The following SCAMP1 variants were observed in gnomAD, a reference collection of about 807,000 sequenced individuals.
SCAMP1 encodes the protein secretory carrier-associated membrane protein 1.
In SCAMP1, 15 loss-of-function variants were observed where a neutral mutation model predicts 41.8. The ratio of observed to expected loss-of-function variants is 0.36; its 90% CI spans 0.24 to 0.55. The LOEUF is 0.55. Among genes scored for constraint, SCAMP1 ranks in the 20% least tolerant of loss-of-function variants. The probability of loss-of-function intolerance (pLI) is 0.86; values close to 1 mark genes in which losing one functional copy is unlikely to be tolerated. For missense variants in SCAMP1, 341 were observed against 412.6 expected (o/e 0.83, Z 1.50); for synonymous variants, 135 against 136.8 (o/e 0.99, Z 0.09).
At chr5:78,422,552 T>A (rs1158241140) in intron 6 of SCAMP1, among the ~76,000 whole-genome samples, 2 of 151,596 alleles carry the variant, frequency 1.3e-5, no homozygotes, top group Admixed American at 6.6e-5. Flanking sequence ...CTGTGGGATA[T>A]TAATAGGTGC....
chr5:78,445,572 G>A (rs1282168443), intron 6 of SCAMP1, among the ~76,000 whole-genome samples: 2 of 151,764 alleles, frequency 1.3e-5, no homozygotes, highest in Non-Finnish European at 2.9e-5. Flanking sequence ...CTGCTTTCTG[G>A]TCTCTTCCTG....
chr5:78,423,016 G>A (rs4996035), intron 6 of SCAMP1, among the ~76,000 whole-genome samples: 206 of 33,382 alleles, frequency 6.2e-3, no homozygotes, highest in Non-Finnish European at 0.01. Flanking sequence ...ACGCGCGCGC[G>A]CACACACACA....
intron 6 of SCAMP1, among the ~76,000 whole-genome samples, chr5:78,423,108 A>AT (rs2112150719): frequency 6.6e-6 from 1 of 152,282 alleles, no homozygotes; most frequent in South Asian, 2.1e-4. Context: ...AGAACAGGAG[A>AT]TGGGAGAACA....
At chr5:78,364,077 G>A (rs754667236) in intron 1 of SCAMP1, among the ~76,000 whole-genome samples, 2 of 152,214 alleles carry the variant, frequency 1.3e-5, no homozygotes, top group African/African-American at 4.8e-5. Flanking sequence ...ATTGCTGTAT[G>A]TCCTTTGTTT....
chr5:78,441,571 T>A lies in SCAMP1; in HGVS notation c.633-8362T>A, dbSNP rs1752925641. ...GCCCATGCCTGTAATCCCAGCACTT[T>A]GGGAGGCCGAGGCAGGCGGATTACC... On this transcript the variant is annotated intron_variant, in intron 6 of 8. Transcript: ENST00000621999. Among the ~76,000 whole-genome samples, 3 of 152,232 alleles carry A rather than the reference T, an allele frequency of 2.0e-5. No individual in the cohort carries two copies. In the South Asian group the frequency reaches 6.2e-4, roughly 32 times the overall value.
chr5:78,396,910 G>C (rs998992622), intron 2 of SCAMP1, among the ~76,000 whole-genome samples: 1 of 152,220 alleles, frequency 6.6e-6, no homozygotes, highest in Admixed American at 6.5e-5. Context: ...GAATAGTGTA[G>C]TTTTGGTTGA....
At chr5:78,384,097 A>G (rs753673610) in intron 1 of SCAMP1, among the ~76,000 whole-genome samples, 10 of 148,442 alleles carry the variant, frequency 6.7e-5, no homozygotes, top group African/African-American at 1.7e-4. Flanking sequence ...TGTGTCATCT[A>G]TGATTTCTTT....
intron 1 of SCAMP1, among the ~76,000 whole-genome samples, chr5:78,381,051 A>T (rs954774678): frequency 2.0e-5 from 3 of 151,040 alleles, no homozygotes; most frequent in African/African-American, 7.3e-5. Context: ...CCTGGGCAAC[A>T]GCAAGACTCC....
At chr5:78,420,866 C>T (rs552863403) in intron 5 of SCAMP1, among the ~76,000 whole-genome samples, 2 of 152,260 alleles carry the variant, frequency 1.3e-5, no homozygotes, top group South Asian at 4.1e-4. Context: ...ATTTAAAAAA[C>T]TAGATCCAAT....
In SCAMP1 at chr5:78,478,348, G is replaced by A. The variant is rs1448783341; in HGVS notation, c.*2680G>A. ...AGACAGACATTGTTAAAGGTTTGAT[G>A]TATATAGAAATTCCATGTTTGATTT... is the stretch of plus-strand genomic sequence containing the variant. On this transcript the variant is annotated 3_prime_UTR_variant, in exon 9 of 9. Coordinates refer to ENST00000621999, the MANE Select transcript of SCAMP1 (RefSeq NM_004866.6). The A allele has an allele frequency of 2.6e-5, 4 of 152,580 alleles. No individual in the cohort carries two copies. The highest frequency in any genetic ancestry group is 5.9e-5 in the Non-Finnish European group (4 of 67,980). 9.5% of individuals were successfully genotyped at this position (152,580 alleles called of 1,614,324 possible).
chr5:78,453,283 T>C (rs1425353954), intron 7 of SCAMP1, among the ~76,000 whole-genome samples: 1 of 151,076 alleles, frequency 6.6e-6, no homozygotes, highest in Non-Finnish European at 1.5e-5. Flanking sequence ...TGAATGGTAA[T>C]GCCCAGGTTT....
rs896377252 is a variant in SCAMP1, at chr5:78,479,904, A to G, written c.*4236A>G. Among the ~76,000 whole-genome samples, 7 of 151,914 alleles carry G rather than the reference A, an allele frequency of 4.6e-5. No individual in the cohort carries two copies. Among genetic ancestry groups the G allele is most frequent in the Admixed American group, 6.6e-5 (1 of 15,252 alleles). The stretch of plus-strand genomic sequence containing the variant: ...AAAAATACAAAAAAAAAATTAGCTG[A>G]GCATGGTGGCGGGCGCCTGTAGTCC... On this transcript the variant is annotated 3_prime_UTR_variant, in exon 9 of 9. Coordinates refer to ENST00000621999, the MANE Select transcript of SCAMP1 (RefSeq NM_004866.6).
At chr5:78,423,282 G>T (rs1752385503) in intron 6 of SCAMP1, among the ~76,000 whole-genome samples, 2 of 152,202 alleles carry the variant, frequency 1.3e-5, no homozygotes, top group South Asian at 4.1e-4. Context: ...TGGGAGATTG[G>T]TTGCCAAGGA....
At position 78,471,241 on chromosome 5, in the gene SCAMP1, C is replaced by G. The variant is rs1031011599; in HGVS notation, c.853-4263C>G. 9.2e-5 allele frequency among the ~76,000 whole-genome samples: 14 copies of G among 152,238 alleles called. No individual in the cohort carries two copies. In the South Asian group the frequency reaches 1.5e-3, roughly 16 times the overall value. ...TCAATAGGGAAAGCCATAGCTAGTTCAGGCACAAAATGGCAGACAGAGCAT... is the reference window on the plus strand; with the variant it reads ...TCAATAGGGAAAGCCATAGCTAGTTGAGGCACAAAATGGCAGACAGAGCAT... On this transcript the variant is annotated intron_variant, in intron 8 of 8. Coordinates refer to ENST00000621999, the MANE Select transcript of SCAMP1 (RefSeq NM_004866.6).
At chr5:78,451,740 C>G (rs1250560180) in intron 7 of SCAMP1, among the ~76,000 whole-genome samples, 1 of 152,192 alleles carries the variant, frequency 6.6e-6, no homozygotes, top group Non-Finnish European at 1.5e-5. Flanking sequence ...TCACTGCCTC[C>G]ACCTCCTCGG....
chr5:78,444,260 A>G (rs866916209), intron 6 of SCAMP1, among the ~76,000 whole-genome samples: 1 of 152,294 alleles, frequency 6.6e-6, no homozygotes, highest in Middle Eastern at 3.4e-3. Context: ...AGAAATGCTC[A>G]AGACTGGTTA....
intron 2 of SCAMP1, among the ~76,000 whole-genome samples, chr5:78,398,479 C>T (rs1751712456): frequency 1.3e-5 from 2 of 148,692 alleles, no homozygotes; most frequent in South Asian, 4.3e-4. Flanking sequence ...ATCTTCCCAC[C>T]TTGGCCTCCC....
chr5:78,437,674 C>CT (rs1421399214), intron 6 of SCAMP1, among the ~76,000 whole-genome samples: 2 of 152,076 alleles, frequency 1.3e-5, no homozygotes, highest in East Asian at 1.9e-4. Flanking sequence ...CTAAAATTCT[C>CT]TTTTTTTGTG....
chr5:78,388,486 GA>G (rs1751403070), intron 1 of SCAMP1, among the ~76,000 whole-genome samples: 1 of 152,192 alleles, frequency 6.6e-6, no homozygotes, highest in Non-Finnish European at 1.5e-5. Context: ...GGGGGAACGT[GA>G]ACTCTTTGTC....
Sources: gnomAD v4.1 joint callset for allele counts (sites outside exome capture counted in the v4.1 genomes callset) on GRCh38, gnomAD v4.1.1 for gene constraint, MANE v1.5 for transcripts, NCBI Gene and HGNC (gene_info 2026-07-23, HGNC 2026-07-21) for gene names.